Variants in CYP2C18 observed in about 807,000 individuals in gnomAD.
CYP2C18 encodes cytochrome P450 2C18.
A neutral mutation model predicts 41.3 loss-of-function variants in CYP2C18; 38 were observed. That is an observed-to-expected ratio of 0.92 (90% CI 0.71 to 1.21). The LOEUF is 1.21. Ranked by LOEUF, CYP2C18 falls within the 50% of genes most tolerant of loss-of-function variation. The probability of loss-of-function intolerance (pLI) is 0.00; values close to 1 mark genes in which losing one functional copy is unlikely to be tolerated. For missense variants in CYP2C18, 635 were observed against 591.4 expected, an observed-to-expected ratio of 1.07 and a Z score of -0.77; for synonymous variants, 236 against 210.0, an observed-to-expected ratio of 1.12 and a Z score of -1.07.
intron 4 of CYP2C18, among the ~76,000 whole-genome samples, chr10:94,698,776 A>G (rs1847173634): frequency 6.6e-6 from 1 of 152,216 alleles, no homozygotes; most frequent in Non-Finnish European, 1.5e-5. Context: ...GTTAGATGCA[A>G]TAAAAAATGA....
intron 4 of CYP2C18, among the ~76,000 whole-genome samples, chr10:94,701,449 T>C (rs1034743379): frequency 6.6e-6 from 1 of 151,650 alleles, no homozygotes; most frequent in Non-Finnish European, 1.5e-5. Context: ...AAGGGGAACA[T>C]CACACACTGG....
intron 5 of CYP2C18, among the ~76,000 whole-genome samples, chr10:94,718,698 T>C (rs1847598153): frequency 1.3e-5 from 2 of 152,062 alleles, no homozygotes; most frequent in Non-Finnish European, 2.9e-5. Flanking sequence ...TTTCATCCCT[T>C]TCTCTGCCAT....
chr10:94,735,937 A>G lies in CYP2C18; in HGVS notation c.*493A>G, dbSNP rs558092998. The G allele has an allele frequency of 2.9e-3, 448 of 154,144 alleles. 5 individuals carry two copies. The highest frequency in any genetic ancestry group is 0.01 in the Middle Eastern group (3 of 294). 9.5% of individuals were successfully genotyped at this position (154,144 alleles called of 1,614,324 possible). ...CAAAAAGGGAGAAAGGTAAGAGGGT[A>G]GGAAAGCTGTTTTAGCTAAATGCCA... On this transcript the variant is annotated 3_prime_UTR_variant, in exon 9 of 9. Transcript: ENST00000285979.
rs139769464 is a variant in CYP2C18 at position 94,703,439 on chromosome 10, G to A, written c.643-3345G>A. 6.6e-5 allele frequency among the ~76,000 whole-genome samples: 10 copies of A among 152,328 alleles called. No homozygotes were observed. In the East Asian group the frequency reaches 1.3e-3, roughly 21 times the overall value. On this transcript the variant is annotated intron_variant, in intron 4 of 8. Transcript: ENST00000285979. ...TTTCACAGATGCCATGCCCAGAGAG[G>A]AGGAGTCTAGAGAGACAGTCTGGCT...
At chr10:94,724,842 G>C (rs35695457) in intron 7 of CYP2C18, among the ~76,000 whole-genome samples, 1 of 151,618 alleles carries the variant, frequency 6.6e-6, no homozygotes, top group African/African-American at 2.4e-5. Flanking sequence ...CCAAAACACT[G>C]TGCTGGGATT....
chr10:94,722,986 C>G (rs1339449520), intron 6 of CYP2C18, among the ~76,000 whole-genome samples: 5 of 152,032 alleles, frequency 3.3e-5, no homozygotes, highest in Non-Finnish European at 7.4e-5. Context: ...AATATTCATC[C>G]AAGACACCAG....
chr10:94,735,367 G>T lies in CYP2C18; in HGVS notation c.1396G>T (p.Asp466Tyr). The change falls in exon 9 of 9, where the codon GAT becomes TAT. Residue 466 changes from aspartate to tyrosine, a missense_variant. Physicochemically the swap from Asp to Tyr is radical, Grantham distance 160 (BLOSUM62 -3). Coordinates refer to ENST00000285979, the MANE Select transcript of CYP2C18 (RefSeq NM_000772.3). ...CCTGAAATCTCAGGTTGACCCAAAG[G>T]ATATTGACATCACCCCCATTGCCAA... ...FNLKSQVDPK[D>Y]IDITPIANAF... 2 of 1,613,724 alleles carry T rather than the reference G, an allele frequency of 1.2e-6. No homozygotes were observed. The highest frequency in any genetic ancestry group is 1.7e-6 in the Non-Finnish European group (2 of 1,179,752).
At chr10:94,696,743 A>G (rs1163455381) in intron 4 of CYP2C18, among the ~76,000 whole-genome samples, 1 of 152,208 alleles carries the variant, frequency 6.6e-6, no homozygotes, top group East Asian at 1.9e-4. Context: ...AAAAAATTAG[A>G]TGAATGGCTA....
At chr10:94,709,077 G>A (rs950622187) in intron 5 of CYP2C18, among the ~76,000 whole-genome samples, 2 of 152,072 alleles carry the variant, frequency 1.3e-5, no homozygotes, top group African/African-American at 2.4e-5. Context: ...TTTCTCTTGG[G>A]TATATACTTG....
intron 1 of CYP2C18, among the ~76,000 whole-genome samples, chr10:94,685,037 TTAA>T (rs59761621): frequency 0.035 from 5,350 of 151,956 alleles, 308 homozygotes; most frequent in African/African-American, 0.12. Flanking sequence ...AATTAATTAA[TTAA>T]TTAATTAATT....
intron 4 of CYP2C18, among the ~76,000 whole-genome samples, chr10:94,706,072 A>C (rs1043716536): frequency 6.6e-6 from 1 of 152,186 alleles, no homozygotes; most frequent in African/African-American, 2.4e-5. Context: ...GCTACCAGGA[A>C]GTTCTGAATA....
intron 5 of CYP2C18, among the ~76,000 whole-genome samples, chr10:94,718,918 G>GATTCATTCTCA (rs1847602444): frequency 6.6e-6 from 1 of 152,140 alleles, no homozygotes; most frequent in Non-Finnish European, 1.5e-5. Context: ...GGATGTTGGG[G>GATTCATTCTCA]ATTCATTCTC....
rs374064225 is a variant in CYP2C18 at position 94,683,809 on chromosome 10, A to G, written c.-11A>G. 123 of 1,578,294 alleles carry G rather than the reference A, an allele frequency of 7.8e-5. No individual in the cohort carries two copies. In the African/African-American group the frequency reaches 1.3e-3, roughly 17 times the overall value. On this transcript the variant is annotated 5_prime_UTR_variant, in exon 1 of 9. Coordinates refer to ENST00000285979, the MANE Select transcript of CYP2C18 (RefSeq NM_000772.3). ...AGCCCGCAGTTGTCTTACTAAGAAG[A>G]GAAGCCTTCAATGGATCCAGCTGTG... is the stretch of plus-strand genomic sequence containing the variant.
chr10:94,696,311 T>G (rs1847116142), intron 4 of CYP2C18, among the ~76,000 whole-genome samples: 1 of 152,126 alleles, frequency 6.6e-6, no homozygotes, highest in African/African-American at 2.4e-5. Context: ...GGTAGCAACA[T>G]TTGCTGTTCA....
chr10:94,685,019 G>A (rs1846858953), intron 1 of CYP2C18, among the ~76,000 whole-genome samples: 1 of 137,700 alleles, frequency 7.3e-6, no homozygotes, highest in African/African-American at 2.9e-5. Context: ...CAAATCCTTT[G>A]CCCATTTAAT....
intron 4 of CYP2C18, among the ~76,000 whole-genome samples, chr10:94,696,761 T>C (rs1464239255): frequency 6.6e-6 from 1 of 151,940 alleles, no homozygotes; most frequent in African/African-American, 2.4e-5. Context: ...CTAACTAGAA[T>C]AACCAATGCA....
intron 5 of CYP2C18, among the ~76,000 whole-genome samples, chr10:94,715,833 G>T (rs1218297836): frequency 6.6e-6 from 1 of 151,768 alleles, no homozygotes. Flanking sequence ...TTTGTTGGTA[G>T]GCTCTTAATT....
At position 94,706,810 on chromosome 10, in the gene CYP2C18, C is replaced by T. The variant is rs77738774; in HGVS notation, c.669C>T (p.Ile223=). The change falls in exon 5 of 9, where the codon ATC becomes ATT. Residue 223 remains isoleucine, a synonymous_variant. Transcript: ENST00000285979. ...TCTGCAATAATTTCCCTGCTCTCATCGATTATCTCCCAGGAAGTCATAATA... is the reference window on the plus strand; with the variant it reads ...TCTGCAATAATTTCCCTGCTCTCATTGATTATCTCCCAGGAAGTCATAATA... ...IQVCNNFPAL[I]DYLPGSHNKI... 1,052 of 1,596,810 alleles carry T rather than the reference C, an allele frequency of 6.6e-4. 5 individuals are homozygous for T. The African/African-American group carries it at 0.012, about 18-fold the overall frequency.
intron 3 of CYP2C18, 149 bp from the exon 4 acceptor site, chr10:94,694,768 A>C: frequency 1.2e-6 from 1 of 846,534 alleles, no homozygotes; most frequent in Non-Finnish European, 1.8e-6. Context: ...GTGAGGTATT[A>C]AATTTCAATA....
Sources: allele counts gnomAD v4.1 joint callset (sites outside exome capture counted in the v4.1 genomes callset), GRCh38; gene constraint gnomAD v4.1.1; transcripts MANE v1.5; gene names NCBI Gene and HGNC (gene_info 2026-07-23, HGNC 2026-07-21).